Variants in MLLT10 observed in about 807,000 individuals in gnomAD.
MLLT10 encodes the protein MLLT10 histone lysine methyltransferase DOT1L cofactor, also known as protein AF-10.
Under a neutral mutation model 129.1 loss-of-function variants are expected in MLLT10, and 30 were observed. That is an observed-to-expected ratio of 0.23 (90% CI 0.17 to 0.32). The LOEUF (loss-of-function observed/expected upper bound fraction) is 0.32. Among genes scored for constraint, MLLT10 ranks in the 10% least tolerant of loss-of-function variants. MLLT10 has a pLI of 1.00. For missense variants in MLLT10, 1,119 were observed against 1,268.3 expected, an observed-to-expected ratio of 0.88 and a Z score of 1.79; for synonymous variants, 490 against 446.4, an observed-to-expected ratio of 1.10 and a Z score of -1.23.
intron 3 of MLLT10, among the ~76,000 whole-genome samples, chr10:21,585,950 G>A (rs1361024840): frequency 1.3e-5 from 2 of 152,056 alleles, no homozygotes; most frequent in Admixed American, 6.6e-5. Context: ...TAGTAGAGAC[G>A]GGGTTTCTGC....
At chr10:21,699,684 TAAAA>T (rs566165311) in intron 13 of MLLT10, among the ~76,000 whole-genome samples, 2 of 141,502 alleles carry the variant, frequency 1.4e-5, no homozygotes, top group Non-Finnish European at 3.1e-5. Flanking sequence ...CAGTTGGCTG[TAAAA>T]AAAAAAAAAA....
rs2043409476 is a variant in MLLT10 at position 21,600,382 on chromosome 10, C to CACACACACACACACACACACACAT, written c.405+4963_405+4964insCATACACACACACACACACACACA. The stretch of plus-strand genomic sequence containing the variant: ...TCCTGAGATAGAACACACACACACA[C>CACACACACACACACACACACACAT]ACACACACACACACACACACAGTTA... On this transcript the variant is annotated intron_variant, in intron 5 of 22. Coordinates refer to ENST00000307729, the MANE Select transcript of MLLT10 (RefSeq NM_001195626.3). Among the ~76,000 whole-genome samples, 4 of 151,956 alleles carry CACACACACACACACACACACACAT rather than the reference C, an allele frequency of 2.6e-5. No individual in the cohort carries two copies. In the East Asian group the frequency reaches 7.7e-4, roughly 29 times the overall value.
intron 17 of MLLT10, among the ~76,000 whole-genome samples, chr10:21,732,669 C>T (rs945102812): frequency 1.4e-4 from 21 of 152,012 alleles, no homozygotes; most frequent in Admixed American, 1.3e-3. Context: ...ACAAAGTTTC[C>T]AGAAGGTACA....
At chr10:21,542,397 C>T (rs977436266) in intron 3 of MLLT10, among the ~76,000 whole-genome samples, 10 of 152,168 alleles carry the variant, frequency 6.6e-5, no homozygotes, top group South Asian at 2.1e-4. Context: ...CTTAAAACCC[C>T]GTTTCTTCTA....
intron 21 of MLLT10, chr10:21,738,547 C>CTGT: frequency 7.8e-7 from 1 of 1,280,714 alleles, no homozygotes; most frequent in African/African-American, 1.5e-5. Context: ...TTACAGGGAT[C>CTGT]AAACTTAACG....
At chr10:21,714,094 A>G in intron 14 of MLLT10, 144 bp downstream of exon 14, 3 of 644,980 alleles carry the variant, frequency 4.7e-6, no homozygotes, top group South Asian at 2.9e-5. Context: ...ATTAGTGAAA[A>G]TGATAGGTAT....
chr10:21,740,920 G>A (rs2058776066), intron 22 of MLLT10, among the ~76,000 whole-genome samples: 1 of 152,214 alleles, frequency 6.6e-6, no homozygotes, highest in Non-Finnish European at 1.5e-5. Flanking sequence ...GCAGAACCCT[G>A]TTAGAGGAAG....
chr10:21,540,236 A>G (rs2034892338), intron 3 of MLLT10, among the ~76,000 whole-genome samples: 1 of 152,034 alleles, frequency 6.6e-6, no homozygotes. Context: ...CTAAAAATAC[A>G]AAAAATTAAC....
At chr10:21,686,653 T>C (rs1344334380) in intron 13 of MLLT10, among the ~76,000 whole-genome samples, 2 of 152,136 alleles carry the variant, frequency 1.3e-5, no homozygotes, top group Admixed American at 1.3e-4. Context: ...TGAAGACATA[T>C]GCTTTAAACT....
chr10:21,618,214 T>G (rs1469910027), intron 8 of MLLT10, among the ~76,000 whole-genome samples: 2 of 152,126 alleles, frequency 1.3e-5, no homozygotes, highest in African/African-American at 2.4e-5. Flanking sequence ...AATAATTGTT[T>G]AAAAACATTT....
At chr10:21,691,887 G>T (rs1174739887) in intron 13 of MLLT10, among the ~76,000 whole-genome samples, 1 of 151,770 alleles carries the variant, frequency 6.6e-6, no homozygotes, top group Non-Finnish European at 1.5e-5. Context: ...TTAATAGACT[G>T]GGCACGGTGG....
intron 4 of MLLT10, among the ~76,000 whole-genome samples, chr10:21,594,479 G>C (rs1179169640): frequency 6.7e-6 from 1 of 150,362 alleles, no homozygotes; most frequent in African/African-American, 2.5e-5. Flanking sequence ...CTTGAACCCA[G>C]GAGGCGGAGG....
At chr10:21,546,080 A>G (rs2036027947) in intron 3 of MLLT10, among the ~76,000 whole-genome samples, 1 of 152,126 alleles carries the variant, frequency 6.6e-6, no homozygotes, top group Admixed American at 6.6e-5. Context: ...TAAAAATTAA[A>G]TTTAATTAAT....
chr10:21,628,859 T>C (rs1230049728), intron 8 of MLLT10, among the ~76,000 whole-genome samples: 8 of 150,876 alleles, frequency 5.3e-5, no homozygotes, highest in African/African-American at 2.0e-4. Flanking sequence ...GTTCAAGCGA[T>C]TGCCTCAGCC....
intron 4 of MLLT10, among the ~76,000 whole-genome samples, chr10:21,591,846 G>T (rs1205537290): frequency 2.6e-5 from 4 of 151,392 alleles, no homozygotes; most frequent in Admixed American, 2.6e-4. Context: ...TCAGCCTCCT[G>T]AGTAGCTGGG....
intron 14 of MLLT10, among the ~76,000 whole-genome samples, chr10:21,716,161 TTAGA>T (rs2056538866): frequency 6.6e-6 from 1 of 152,202 alleles, no homozygotes; most frequent in Non-Finnish European, 1.5e-5. Context: ...ACAGAAATAT[TTAGA>T]TAGAATTGAT....
At chr10:21,740,653 A>G (rs986656328) in intron 22 of MLLT10, among the ~76,000 whole-genome samples, 2 of 152,258 alleles carry the variant, frequency 1.3e-5, no homozygotes, top group East Asian at 3.8e-4. Context: ...TTTAGGGCAC[A>G]CAATCCAATA....
chr10:21,621,211 G>T (rs2045807514), intron 8 of MLLT10, among the ~76,000 whole-genome samples: 1 of 139,726 alleles, frequency 7.2e-6, no homozygotes, highest in Non-Finnish European at 1.5e-5. Context: ...AGCCAGGATG[G>T]TCTCGATCTC....
chr10:21,551,794 C>G (rs567102032), intron 3 of MLLT10: 25 of 404,266 alleles, frequency 6.2e-5, no homozygotes, highest in Admixed American at 1.2e-4. Context: ...GTTTCTGTCT[C>G]TCTCTCTTTT....
Sources: allele counts gnomAD v4.1 joint callset (sites outside exome capture counted in the v4.1 genomes callset), GRCh38; gene constraint gnomAD v4.1.1; transcripts MANE v1.5; gene names NCBI Gene and HGNC (gene_info 2026-07-23, HGNC 2026-07-21).